The following CNOT2 variants were observed in gnomAD, a reference collection of about 807,000 sequenced individuals.
The protein encoded by CNOT2 is CCR4-NOT transcription complex subunit 2, also known as CC chemokine receptor 4-negative regulator of transcription 2.
CNOT2 carries 7 observed loss-of-function variants against 72.1 expected under a neutral mutation model. The observed-to-expected ratio is 0.10, with a 90% CI of 0.06 to 0.18. CNOT2 has a LOEUF of 0.18. CNOT2 is among the 10% of genes least tolerant of loss of function. CNOT2 has a pLI of 1.00. For synonymous variants in CNOT2, 196 were observed against 225.6 expected, an observed-to-expected ratio of 0.87 and a Z score of 1.17; for missense variants, 345 against 660.3, an observed-to-expected ratio of 0.52 and a Z score of 5.23.
At position 70,251,483 on chromosome 12, in the gene CNOT2, G is replaced by A. The variant is rs372921625; in HGVS notation, c.-96+8003G>A. 5.9e-5 allele frequency among the ~76,000 whole-genome samples: 9 copies of A among 152,270 alleles called. No homozygotes were observed. The South Asian group carries it at 1.9e-3, about 32-fold the overall frequency. ...CATAGGAGAAGTTAGTTGAAGGAATGAAGTAGCCACAGTATGAGGTCTTAT... is the reference window on the plus strand; with the variant it reads ...CATAGGAGAAGTTAGTTGAAGGAATAAAGTAGCCACAGTATGAGGTCTTAT... On this transcript the variant is annotated intron_variant, in intron 1 of 15. Transcript: ENST00000229195.
At chr12:70,275,353 C>T (rs1868596245) in intron 1 of CNOT2, among the ~76,000 whole-genome samples, 1 of 151,778 alleles carries the variant, frequency 6.6e-6, no homozygotes, top group Admixed American at 6.6e-5. Context: ...TTTTGTTATT[C>T]TCTTTAGAGG....
At chr12:70,243,681 G>C (rs563726121) in intron 1 of CNOT2, 2 of 151,368 alleles carry the variant, frequency 1.3e-5, no homozygotes, top group Non-Finnish European at 3.0e-5. Flanking sequence ...CGGGCGGGGA[G>C]GGGGGTGGCG....
intron 3 of CNOT2, 135 bp from the exon 4 acceptor site, chr12:70,319,161 GTT>G (rs2135984414): frequency 3.5e-6 from 2 of 570,092 alleles, no homozygotes; most frequent in South Asian, 6.9e-5. Context: ...ATTATAGAAT[GTT>G]TGTTTTATGT....
chr12:70,349,775 C>T (rs1405580115), intron 15 of CNOT2, among the ~76,000 whole-genome samples: 2 of 152,002 alleles, frequency 1.3e-5, no homozygotes, highest in Admixed American at 6.6e-5. Flanking sequence ...TGAGGCAAGA[C>T]GATCACTTGA....
At chr12:70,304,713 A>T (rs1874885400) in intron 2 of CNOT2, among the ~76,000 whole-genome samples, 1 of 152,210 alleles carries the variant, frequency 6.6e-6, no homozygotes. Flanking sequence ...TCAGACAGGG[A>T]CATTTAAGTC....
At chr12:70,267,777 T>C (rs1406724699) in intron 1 of CNOT2, among the ~76,000 whole-genome samples, 1 of 152,262 alleles carries the variant, frequency 6.6e-6, no homozygotes, top group Non-Finnish European at 1.5e-5. Context: ...AAAAGAATAG[T>C]CTATCACAGG....
intron 1 of CNOT2, among the ~76,000 whole-genome samples, chr12:70,270,602 G>T (rs1357039038): frequency 5.3e-5 from 8 of 151,992 alleles, no homozygotes; most frequent in African/African-American, 1.9e-4. Context: ...GTTAAATAAA[G>T]ATATTAATAT....
intron 1 of CNOT2, among the ~76,000 whole-genome samples, chr12:70,254,797 A>G (rs1393276678): frequency 3.3e-5 from 5 of 151,970 alleles, no homozygotes; most frequent in Non-Finnish European, 7.4e-5. Flanking sequence ...CCTGGCCAAC[A>G]TGGAAAACCC....
At chr12:70,257,358 T>C (rs1285558521) in intron 1 of CNOT2, among the ~76,000 whole-genome samples, 1 of 146,996 alleles carries the variant, frequency 6.8e-6, no homozygotes, top group African/African-American at 2.5e-5. Context: ...TACCCCCTTT[T>C]TTTTTTTTTT....
chr12:70,347,145 T>G (rs1882280044), intron 15 of CNOT2, among the ~76,000 whole-genome samples: 1 of 152,194 alleles, frequency 6.6e-6, no homozygotes. Context: ...TTTAAATAAA[T>G]TTAAACAGCA....
rs893042889 is a variant in CNOT2 at position 70,354,915 on chromosome 12, A to G, written c.*1000A>G. The G allele has an allele frequency of 3.3e-5, 5 of 152,684 alleles. No homozygotes were observed. The highest frequency in any genetic ancestry group is 5.9e-5 in the Non-Finnish European group (4 of 68,046). 9.5% of individuals were successfully genotyped at this position (152,684 alleles called of 1,614,324 possible). ...TTGAACAGCAGCGTTTCATAGGAAG[A>G]GAAAAAAAGATCAATCTTGTATTTT... On this transcript the variant is annotated 3_prime_UTR_variant, in exon 16 of 16. Coordinates refer to ENST00000229195, the MANE Select transcript of CNOT2 (RefSeq NM_014515.7).
At chr12:70,287,992 A>G (rs1210733636) in intron 2 of CNOT2, among the ~76,000 whole-genome samples, 1 of 149,802 alleles carries the variant, frequency 6.7e-6, no homozygotes, top group Non-Finnish European at 1.5e-5. Flanking sequence ...TGCAGTCCAC[A>G]TAGGCAATGT....
At chr12:70,347,185 A>G (rs1324353482) in intron 15 of CNOT2, among the ~76,000 whole-genome samples, 4 of 152,106 alleles carry the variant, frequency 2.6e-5, no homozygotes, top group African/African-American at 7.2e-5. Flanking sequence ...TCTTTGGACA[A>G]TTTTTTAGTT....
chr12:70,268,647 G>C (rs1407936121), intron 1 of CNOT2, among the ~76,000 whole-genome samples: 1 of 151,406 alleles, frequency 6.6e-6, no homozygotes, highest in East Asian at 1.9e-4. Flanking sequence ...TTTTGGTAGT[G>C]ATGGGGTCTC....
intron 1 of CNOT2, among the ~76,000 whole-genome samples, chr12:70,268,312 G>A (rs2135766198): frequency 6.6e-6 from 1 of 152,280 alleles, no homozygotes. Flanking sequence ...TAGGTGGTCT[G>A]TGGACCTTCC....
chr12:70,300,299 C>G (rs891127400), intron 2 of CNOT2, among the ~76,000 whole-genome samples: 1 of 152,156 alleles, frequency 6.6e-6, no homozygotes, highest in Non-Finnish European at 1.5e-5. Context: ...TTGCCCATGC[C>G]TATGTCCTGA....
intron 2 of CNOT2, among the ~76,000 whole-genome samples, chr12:70,302,854 T>G (rs1370019416): frequency 6.7e-6 from 1 of 148,896 alleles, no homozygotes; most frequent in Non-Finnish European, 1.5e-5. Flanking sequence ...GGAGTCTAAG[T>G]CTCTTTGTAG....
At chr12:70,247,063 G>C (rs775445839) in intron 1 of CNOT2, among the ~76,000 whole-genome samples, 6 of 152,082 alleles carry the variant, frequency 3.9e-5, no homozygotes, top group Admixed American at 6.5e-5. Context: ...GGGCACTTCA[G>C]GGTTTTGTAT....
intron 1 of CNOT2, among the ~76,000 whole-genome samples, chr12:70,273,318 T>G (rs1868315809): frequency 6.6e-6 from 1 of 152,142 alleles, no homozygotes; most frequent in South Asian, 2.1e-4. Flanking sequence ...CTCATCTTTT[T>G]TTTTTAGTCA....
Sources: gnomAD v4.1 joint callset for allele counts (sites outside exome capture counted in the v4.1 genomes callset) on GRCh38, gnomAD v4.1.1 for gene constraint, MANE v1.5 for transcripts, NCBI Gene and HGNC (gene_info 2026-07-23, HGNC 2026-07-21) for gene names.